The following APBB2 variants were observed in gnomAD, a reference collection of about 807,000 sequenced individuals.
The protein encoded by APBB2 is Fe65-like 1.
A neutral mutation model predicts 82.5 loss-of-function variants in APBB2; 38 were observed. The observed-to-expected ratio is 0.46, with a 90% CI of 0.36 to 0.60. The LOEUF is 0.60. Among genes scored for constraint, APBB2 ranks in the 20% least tolerant of loss-of-function variants. The pLI is 0.00. For missense variants in APBB2, 772 were observed against 972.3 expected, an observed-to-expected ratio of 0.79 and a Z score of 2.74; for synonymous variants, 341 against 368.2, an observed-to-expected ratio of 0.93 and a Z score of 0.85.
intron 1 of APBB2, among the ~76,000 whole-genome samples, chr4:41,155,281 T>C (rs1243796602): frequency 3.9e-5 from 6 of 152,192 alleles, no homozygotes; most frequent in Non-Finnish European, 8.8e-5. Flanking sequence ...TCAGAGTACA[T>C]TAACTCAGGG....
chr4:41,116,050 A>G (rs1203044736), intron 2 of APBB2, among the ~76,000 whole-genome samples: 1 of 152,238 alleles, frequency 6.6e-6, no homozygotes, highest in Non-Finnish European at 1.5e-5. Flanking sequence ...AATAGCAGAG[A>G]CTTGGAAACA....
intron 6 of APBB2, among the ~76,000 whole-genome samples, chr4:40,996,781 T>C (rs1803747563): frequency 6.6e-6 from 1 of 152,198 alleles, no homozygotes; most frequent in African/African-American, 2.4e-5. Flanking sequence ...ACTACTAATC[T>C]TGTCCAGTCC....
intron 6 of APBB2, among the ~76,000 whole-genome samples, chr4:40,956,030 T>C (rs960659431): frequency 6.6e-6 from 1 of 152,146 alleles, no homozygotes; most frequent in Non-Finnish European, 1.5e-5. Flanking sequence ...TACCTCGGCC[T>C]CCCAAAGTGC....
chr4:41,051,947 T>C (rs745687750), intron 4 of APBB2, among the ~76,000 whole-genome samples: 4 of 152,230 alleles, frequency 2.6e-5, no homozygotes, highest in Non-Finnish European at 4.4e-5. Context: ...CAAATGTCTG[T>C]TGTGGGAATT....
chr4:41,136,054 C>T (rs79544782), intron 2 of APBB2, among the ~76,000 whole-genome samples: 2 of 152,318 alleles, frequency 1.3e-5, no homozygotes, highest in Non-Finnish European at 2.9e-5. Context: ...AGCAAATGAT[C>T]ATAAATAGGC....
At chr4:41,012,980 C>A (rs1356042250) in intron 6 of APBB2, among the ~76,000 whole-genome samples, 2 of 152,160 alleles carry the variant, frequency 1.3e-5, no homozygotes, top group Non-Finnish European at 1.5e-5. Context: ...CTCAATTAGA[C>A]TAGTTAAAAG....
chr4:40,826,058 A>C lies in APBB2; in HGVS notation c.1733-88T>G. ...GTGGCTCTGCATCATCTGAATGCTCAGGACACGCCCTGTGCCATAACGCCC... is the reference window on the plus strand; with the variant it reads ...GTGGCTCTGCATCATCTGAATGCTCCGGACACGCCCTGTGCCATAACGCCC... On this transcript the variant is annotated intron_variant, in intron 14 of 17. Transcript: ENST00000508593. This position sits in a 1 kb window ranked among gnomAD's most constrained non-coding sequence, Gnocchi z 4.5. 1.1e-5 allele frequency: 11 copies of C among 972,358 alleles called. No individual in the cohort carries two copies. The highest frequency in any genetic ancestry group is 1.7e-5 in the Non-Finnish European group (10 of 595,918). The allele number at this position is 972,358 out of a possible 1,614,324, so 60.2% of individuals were successfully genotyped here. A position where few individuals can be genotyped will look rare whatever the true frequency, so the allele number is the denominator to read the frequency against.
At chr4:41,057,012 G>A (rs897027071) in intron 4 of APBB2, among the ~76,000 whole-genome samples, 1 of 152,110 alleles carries the variant, frequency 6.6e-6, no homozygotes, top group African/African-American at 2.4e-5. Context: ...CTGGGAGAGG[G>A]GGATCAACTT....
intron 2 of APBB2, among the ~76,000 whole-genome samples, chr4:41,139,769 G>C (rs537277471): frequency 6.6e-6 from 1 of 152,154 alleles, no homozygotes; most frequent in Admixed American, 6.5e-5. Flanking sequence ...AAGAAGAAAT[G>C]AACAGGTAGA....
chr4:41,120,165 C>G (rs1047603857), intron 2 of APBB2, among the ~76,000 whole-genome samples: 6 of 152,044 alleles, frequency 3.9e-5, no homozygotes, highest in African/African-American at 1.4e-4. Context: ...TGTTTTCACT[C>G]TCTCCACCAG....
At chr4:41,087,737 G>T (rs934291798) in intron 3 of APBB2, among the ~76,000 whole-genome samples, 1 of 152,048 alleles carries the variant, frequency 6.6e-6, no homozygotes, top group African/African-American at 2.4e-5. Context: ...CCAGAATCCA[G>T]TATTTTAAAC....
chr4:41,050,011 A>T (rs1051768261), intron 4 of APBB2, among the ~76,000 whole-genome samples: 19 of 151,814 alleles, frequency 1.3e-4, no homozygotes, highest in African/African-American at 2.4e-4. Flanking sequence ...GCCTAGGAAA[A>T]CCAGAGACCT....
At chr4:40,972,019 A>G (rs4861347) in intron 6 of APBB2, among the ~76,000 whole-genome samples, 103,030 of 152,012 alleles carry the variant, frequency 0.68, 35,749 homozygotes, top group East Asian at 0.96. Flanking sequence ...AACATCGAAC[A>G]AAAGTGCTCT....
intron 6 of APBB2, among the ~76,000 whole-genome samples, chr4:40,973,145 C>A (rs942322642): frequency 2.0e-5 from 3 of 152,202 alleles, no homozygotes; most frequent in Admixed American, 6.5e-5. Flanking sequence ...CTTTTCCACC[C>A]TGCTGTGTAT....
At chr4:41,104,954 G>C (rs1387438525) in intron 2 of APBB2, among the ~76,000 whole-genome samples, 1 of 152,158 alleles carries the variant, frequency 6.6e-6, no homozygotes, top group Non-Finnish European at 1.5e-5. Flanking sequence ...TAGTGCACTA[G>C]CAGCATATTT....
rs1480928602 is a variant in APBB2, at chr4:40,960,541, G to A, written c.836-15468C>T. On this transcript the variant is annotated intron_variant, in intron 6 of 17. Transcript: ENST00000508593. ...CGGCTCACTGCAAGCTCTGCCTCCCGAGTTCACGCCATTCTCCTGCCTCAG... is the reference window on the plus strand; with the variant it reads ...CGGCTCACTGCAAGCTCTGCCTCCCAAGTTCACGCCATTCTCCTGCCTCAG... Among the ~76,000 whole-genome samples, 7 of 140,514 alleles carry A rather than the reference G, an allele frequency of 5.0e-5. 1 individual carries two copies. In the South Asian group the frequency reaches 1.4e-3, roughly 29 times the overall value. The allele number at this position is 140,514 out of a possible 152,430, so 92.2% of individuals were successfully genotyped here.
At chr4:41,039,075 T>C (rs1720364080) in intron 4 of APBB2, among the ~76,000 whole-genome samples, 3 of 152,254 alleles carry the variant, frequency 2.0e-5, no homozygotes, top group African/African-American at 7.2e-5. Context: ...GAGAAGGAGC[T>C]TTCATTTCTG....
At chr4:40,857,270 T>C in intron 12 of APBB2, 1 of 743,888 alleles carries the variant, frequency 1.3e-6, no homozygotes. Flanking sequence ...TCCCGTGAAG[T>C]GCTCCCGCTA....
Position 40,826,168 on chromosome 4 carries a change from C to G in APBB2, c.1733-198G>C, listed in dbSNP as rs147533951. ...GGGGCTCTGTTAAAATCCTGTTCAACTTTCAAGATAGGAATGCATGTGAAA... is the reference window on the plus strand; with the variant it reads ...GGGGCTCTGTTAAAATCCTGTTCAAGTTTCAAGATAGGAATGCATGTGAAA... On this transcript the variant is annotated intron_variant, in intron 14 of 17. Transcript: ENST00000508593. This position sits in a 1 kb window ranked among gnomAD's most constrained non-coding sequence, Gnocchi z 4.5. The G allele has an allele frequency of 2.0e-3, 1,111 of 565,964 alleles. 3 individuals carry two copies. Among genetic ancestry groups the G allele is most frequent in the Non-Finnish European group, 2.7e-3 (859 of 313,212 alleles). The allele number at this position is 565,964 out of a possible 1,614,324, so 35.1% of individuals were successfully genotyped here.
Sources: allele counts gnomAD v4.1 joint callset (sites outside exome capture counted in the v4.1 genomes callset), GRCh38; gene constraint gnomAD v4.1.1; non-coding constraint Gnocchi (gnomAD v3.1); transcripts MANE v1.5; gene names NCBI Gene and HGNC (gene_info 2026-07-23, HGNC 2026-07-21).